Variants in SFTPD observed in about 807,000 individuals in gnomAD.
SFTPD encodes pulmonary surfactant-associated protein D.
In SFTPD, 18 loss-of-function variants were observed where a neutral mutation model predicts 34.6. The observed-to-expected ratio is 0.52, with a 90% CI of 0.36 to 0.77. The LOEUF is 0.77. SFTPD is among the 30% of genes least tolerant of loss of function. The pLI is 0.00. For missense variants in SFTPD, 433 were observed against 468.9 expected, an observed-to-expected ratio of 0.92 and a Z score of 0.71; for synonymous variants, 155 against 180.9, an observed-to-expected ratio of 0.86 and a Z score of 1.15.
intron 1 of SFTPD, among the ~76,000 whole-genome samples, chr10:79,975,250 A>AG (rs200979240): frequency 0.019 from 2,888 of 152,238 alleles, 102 homozygotes; most frequent in African/African-American, 0.066. Flanking sequence ...AATAATAAGG[A>AG]GGGGGTGCAG....
At chr10:79,969,288 A>T (rs971093524) in intron 1 of SFTPD, 1 of 152,218 alleles carries the variant, frequency 6.6e-6, no homozygotes, top group Non-Finnish European at 1.5e-5. Flanking sequence ...AGCCTGACCA[A>T]CATGGTGAAA....
intron 1 of SFTPD, among the ~76,000 whole-genome samples, chr10:79,966,820 G>A (rs1589341958): frequency 1.4e-5 from 2 of 146,148 alleles, no homozygotes; most frequent in East Asian, 5.1e-4. Flanking sequence ...AGTTTTCCCA[G>A]CACCATTTAT....
At chr10:79,942,270 C>T in intron 4 of SFTPD, 118 bp downstream of exon 4, 1 of 783,064 alleles carries the variant, frequency 1.3e-6, no homozygotes, top group Non-Finnish European at 2.2e-6. Flanking sequence ...CATGGCAAGC[C>T]TTTGCAGCAT....
chr10:79,940,613 G>T, intron 7 of SFTPD, 92 bp downstream of exon 7: 1 of 810,402 alleles, frequency 1.2e-6, no homozygotes, highest in South Asian at 1.5e-5. Flanking sequence ...TCCAGCCAAA[G>T]GTCTAGCCCC....
intron 1 of SFTPD, among the ~76,000 whole-genome samples, chr10:79,980,503 C>A (rs1199204755): frequency 6.6e-6 from 1 of 152,150 alleles, no homozygotes; most frequent in Non-Finnish European, 1.5e-5. Flanking sequence ...TCACCAGAGG[C>A]CTTAGGTGGG....
At chr10:79,941,715 G>T (rs182237332) in intron 5 of SFTPD, among the ~76,000 whole-genome samples, 1 of 152,030 alleles carries the variant, frequency 6.6e-6, no homozygotes, top group South Asian at 2.1e-4. Flanking sequence ...AAACTGCCCC[G>T]CCACCCAACA....
chr10:79,950,328 A>G (rs930549891), upstream of SFTPD: 3 of 152,208 alleles, frequency 2.0e-5, no homozygotes, highest in African/African-American at 7.2e-5. Flanking sequence ...AGTATTGTCC[A>G]TTCATTTCCA....
chr10:79,942,153 C>A, intron 4 of SFTPD, 83 bp from the exon 5 acceptor site: 1 of 1,028,666 alleles, frequency 9.7e-7, no homozygotes, highest in South Asian at 1.4e-5. Context: ...GCTTTTTGCC[C>A]GCAACTTTAG....
intron 1 of SFTPD, chr10:79,973,331 C>T (rs984850670): frequency 6.6e-6 from 1 of 152,006 alleles, no homozygotes; most frequent in East Asian, 1.9e-4. Flanking sequence ...TTAAAAATAT[C>T]TTTGAAGGCC....
At position 79,944,798 on chromosome 10, in the gene SFTPD, C is replaced by T. The variant is rs149559490; in HGVS notation, c.199+1663G>A. On this transcript the variant is annotated intron_variant, in intron 2 of 7. Transcript: ENST00000372292. ...GTCATATTTACCCTCCATGATACGT[C>T]GGGGATGTCACCAGAGTGACTCAAG... Among the ~76,000 whole-genome samples the T allele has an allele frequency of 1.3e-3, 192 of 152,126 alleles. 1 individual carries two copies. The highest frequency in any genetic ancestry group is 2.7e-3 in the Admixed American group (41 of 15,288).
intron 1 of SFTPD, among the ~76,000 whole-genome samples, chr10:79,979,433 T>C (rs1272163050): frequency 3.9e-5 from 6 of 152,184 alleles, no homozygotes; most frequent in Non-Finnish European, 5.9e-5. Flanking sequence ...GAAAGAGTCT[T>C]GAATTGCCTA....
intron 1 of SFTPD, among the ~76,000 whole-genome samples, chr10:79,965,307 C>A (rs1842797180): frequency 6.6e-6 from 1 of 151,962 alleles, no homozygotes; most frequent in Non-Finnish European, 1.5e-5. Flanking sequence ...CATCCAAAAC[C>A]ATATCCAGGC....
rs1271404401 is a variant in SFTPD at position 79,938,259 on chromosome 10, G to A, written c.752-31C>T. ...AGAAGAAGAAAGTCAGGTTGGGGTT[G>A]TGGCATCACCTGGCCAAAGCTCAGG... On this transcript the variant is annotated intron_variant, in intron 7 of 7. Transcript: ENST00000372292. The A allele has an allele frequency of 3.2e-6, 5 of 1,559,724 alleles. No individual in the cohort carries two copies. In the Admixed American group the frequency reaches 5.2e-5, roughly 16 times the overall value.
chr10:79,981,026 T>C (rs1842887381), intron 1 of SFTPD, among the ~76,000 whole-genome samples: 1 of 152,088 alleles, frequency 6.6e-6, no homozygotes, highest in African/African-American at 2.4e-5. Flanking sequence ...ATGTGACCTT[T>C]TACACAGAGA....
chr10:79,979,311 C>T (rs1842878780), intron 1 of SFTPD, among the ~76,000 whole-genome samples: 1 of 152,042 alleles, frequency 6.6e-6, no homozygotes, highest in African/African-American at 2.4e-5. Flanking sequence ...GAACACCAAC[C>T]TGGACAACTA....
At chr10:79,954,435 T>C (rs117173094) in intron 1 of SFTPD, among the ~76,000 whole-genome samples, 8,264 of 152,250 alleles carry the variant, frequency 0.054, 538 homozygotes, top group East Asian at 0.39. Context: ...ATGGAGGACC[T>C]GCTGCTGGGG....
At chr10:79,938,609 G>C (rs944416397) in intron 7 of SFTPD, among the ~76,000 whole-genome samples, 15 of 152,222 alleles carry the variant, frequency 9.9e-5, no homozygotes, top group African/African-American at 3.6e-4. Flanking sequence ...AGGTAGAAGT[G>C]AACAATTTTT....
intron 4 of SFTPD, 66 bp downstream of exon 4, chr10:79,942,322 G>A: frequency 8.8e-7 from 1 of 1,131,118 alleles, no homozygotes; most frequent in South Asian, 1.3e-5. Context: ...CACGCCTCAG[G>A]TCATATCATG....
At chr10:79,958,950 G>T (rs1449867027) in intron 1 of SFTPD, among the ~76,000 whole-genome samples, 2 of 152,138 alleles carry the variant, frequency 1.3e-5, no homozygotes, top group African/African-American at 4.8e-5. Context: ...CTGTCTCTCA[G>T]ACCACAGTGC....
Sources: gnomAD v4.1 joint callset for allele counts (sites outside exome capture counted in the v4.1 genomes callset) on GRCh38, gnomAD v4.1.1 for gene constraint, MANE v1.5 for transcripts, NCBI Gene and HGNC (gene_info 2026-07-23, HGNC 2026-07-21) for gene names.